The following SEC22C variants were observed in gnomAD, a reference collection of about 807,000 sequenced individuals.
The protein encoded by SEC22C is vesicle-trafficking protein SEC22c.
Under a neutral mutation model 34.7 loss-of-function variants are expected in SEC22C, and 29 were observed. The observed-to-expected ratio is 0.84, with a 90% CI of 0.62 to 1.14. The LOEUF is 1.14. Among genes scored for constraint, SEC22C ranks in the 50% most tolerant of loss-of-function variants. SEC22C has a pLI of 0.00. For synonymous variants in SEC22C, 117 were observed against 132.8 expected, an observed-to-expected ratio of 0.88 and a Z score of 0.82; for missense variants, 337 against 369.0, an observed-to-expected ratio of 0.91 and a Z score of 0.71.
At chr3:42,559,739 A>G (rs146914645) in intron 4 of SEC22C, among the ~76,000 whole-genome samples, 86 of 152,362 alleles carry the variant, frequency 5.6e-4, no homozygotes, top group Middle Eastern at 3.4e-3. Flanking sequence ...AATTCTTCGA[A>G]TATAAATATC....
intron 1 of SEC22C, among the ~76,000 whole-genome samples, chr3:42,570,009 A>G (rs1055146923): frequency 1.1e-4 from 16 of 152,194 alleles, no homozygotes; most frequent in Non-Finnish European, 1.8e-4. Context: ...AAGTCTTTCC[A>G]ATAGGATGTG....
intron 6 of SEC22C, among the ~76,000 whole-genome samples, chr3:42,555,067 C>T (rs566276688): frequency 2.0e-5 from 3 of 152,152 alleles, no homozygotes; most frequent in East Asian, 1.9e-4. Context: ...TTGCAGAGGT[C>T]GGGCGTGGTG....
chr3:42,591,447 C>T lies in SEC22C; in HGVS notation c.-28+9513G>A, dbSNP rs1389158902. ...TGACCTCGTGATCCGCCTAGATCGG[C>T]CTCCCAAAGGGCCGGGGTTACAGGC... On this transcript the variant is annotated intron_variant, in intron 1 of 6. Coordinates refer to the SEC22C transcript ENST00000417572. 2.9e-6 allele frequency: 3 copies of T among 1,038,732 alleles called. No individual in the cohort carries two copies. The Admixed American group carries it at 5.1e-5, about 18-fold the overall frequency. 64.3% of individuals were successfully genotyped at this position (1,038,732 alleles called of 1,614,324 possible). A position where few individuals can be genotyped will look rare whatever the true frequency, so the allele number is the denominator to read the frequency against.
intron 1 of SEC22C, chr3:42,590,880 T>G (rs1323658734): frequency 1.2e-6 from 2 of 1,609,572 alleles, no homozygotes; most frequent in Non-Finnish European, 1.7e-6. Flanking sequence ...GCGGTCGTGG[T>G]TCCGGAGGTT....
chr3:42,565,939 A>C (rs1703211423), intron 2 of SEC22C: 2 of 453,158 alleles, frequency 4.4e-6, no homozygotes, highest in South Asian at 3.2e-5. Flanking sequence ...TATTTAATTC[A>C]AAATTACAAA....
Position 42,550,981 on chromosome 3 carries a change from G to C in SEC22C, c.*2267C>G. The C allele has an allele frequency of 1.3e-6, 1 of 750,778 alleles. No individual in the cohort carries two copies. The highest frequency in any genetic ancestry group is 1.6e-6 in the Non-Finnish European group (1 of 618,692). 46.5% of individuals were successfully genotyped at this position (750,778 alleles called of 1,614,324 possible). A position where few individuals can be genotyped will look rare whatever the true frequency, so the allele number is the denominator to read the frequency against. On this transcript the variant is annotated 3_prime_UTR_variant, in exon 7 of 7. Transcript: ENST00000264454. ...CCTCCCGGGTTCAAGAGATTCTCCTGCCTCAGCCTCCTGAGTAGCTGGGGC... is the reference window on the plus strand; with the variant it reads ...CCTCCCGGGTTCAAGAGATTCTCCTCCCTCAGCCTCCTGAGTAGCTGGGGC...
chr3:42,561,529 C>T (rs1034006639), intron 3 of SEC22C, among the ~76,000 whole-genome samples: 2 of 152,114 alleles, frequency 1.3e-5, no homozygotes, highest in African/African-American at 4.8e-5. Context: ...ATGTGTGCCA[C>T]CACACCTGGC....
At position 42,551,540 on chromosome 3, in the gene SEC22C, G is replaced by T; in HGVS notation, c.*1708C>A. The T allele has an allele frequency of 2.2e-6, 1 of 451,238 alleles. No individual in the cohort carries two copies. The highest frequency in any genetic ancestry group is 2.9e-6 in the Non-Finnish European group (1 of 342,502). The allele number at this position is 451,238 out of a possible 1,614,324, so 28.0% of individuals were successfully genotyped here. ...TTTTTGTAGAGATGAATCTTACTAT[G>T]TTGTCCAGGCTGGTCTCAAACTACT... On this transcript the variant is annotated 3_prime_UTR_variant, in exon 7 of 7. Coordinates refer to ENST00000264454, the MANE Select transcript of SEC22C (RefSeq NM_032970.4).
At chr3:42,566,875 G>A in intron 2 of SEC22C, 1 of 344,988 alleles carries the variant, frequency 2.9e-6, no homozygotes, top group Middle Eastern at 3.9e-4. Context: ...ATAGTGGTGT[G>A]TAGACTCAGC....
upstream of SEC22C, chr3:42,582,132 G>T (rs371365400): frequency 6.6e-6 from 1 of 152,248 alleles, no homozygotes; most frequent in Admixed American, 6.5e-5. Context: ...CGACCCAAAC[G>T]GAGAGGGAGT....
chr3:42,575,376 A>G (rs1703897012), intron 1 of SEC22C, among the ~76,000 whole-genome samples: 1 of 152,262 alleles, frequency 6.6e-6, no homozygotes, highest in African/African-American at 2.4e-5. Flanking sequence ...ATTATATACT[A>G]TCTACATGAA....
chr3:42,559,873 C>T lies in SEC22C; in HGVS notation c.526+1244G>A, dbSNP rs192713020. 6.0e-3 allele frequency among the ~76,000 whole-genome samples: 907 copies of T among 152,028 alleles called. 10 individuals carry two copies. The highest frequency in any genetic ancestry group is 0.02 in the African/African-American group (844 of 41,496). Reference sequence around the variant, plus strand: ...TAATGACAAAGGCATGGAATATCAGCACACTGTGATCACGTTCATTAAGAC... The same window carrying T: ...TAATGACAAAGGCATGGAATATCAGTACACTGTGATCACGTTCATTAAGAC... On this transcript the variant is annotated intron_variant, in intron 4 of 6. Transcript: ENST00000264454.
At position 42,552,597 on chromosome 3, in the gene SEC22C, T is replaced by C. The variant is rs898712740; in HGVS notation, c.*651A>G. 17 of 982,686 alleles carry C rather than the reference T, an allele frequency of 1.7e-5. No homozygotes were observed. Among genetic ancestry groups the C allele is most frequent in the Non-Finnish European group, 2.1e-5 (17 of 827,438 alleles). The allele number at this position is 982,686 out of a possible 1,614,324, so 60.9% of individuals were successfully genotyped here. A position where few individuals can be genotyped will look rare whatever the true frequency, so the allele number is the denominator to read the frequency against. ...AGTCCCACCACTATAAAAGGTTACATATAAATTAAATAAACTCAGATTTCT... is the reference window on the plus strand; with the variant it reads ...AGTCCCACCACTATAAAAGGTTACACATAAATTAAATAAACTCAGATTTCT... On this transcript the variant is annotated 3_prime_UTR_variant, in exon 7 of 7. Transcript: ENST00000264454.
In SEC22C at chr3:42,594,422, G is replaced by C. The variant is rs750944864; in HGVS notation, c.-28+6538C>G. ...TTTTTGCCTGTTTTTTTGCCCATAG[G>C]TACCAGCATGTGTTACATAGAAATC... On this transcript the variant is annotated intron_variant, in intron 1 of 6. Transcript: ENST00000417572. 3.1e-6 allele frequency: 5 copies of C among 1,611,976 alleles called. No homozygotes were observed. The South Asian group carries it at 5.5e-5, about 18-fold the overall frequency.
Position 42,569,078 on chromosome 3 carries a change from G to A in SEC22C, c.-27-5C>T. The A allele has an allele frequency of 6.3e-7, 1 of 1,593,126 alleles. No homozygotes were observed. Among genetic ancestry groups the A allele is most frequent in the Non-Finnish European group, 8.6e-7 (1 of 1,164,850 alleles). On this transcript the variant is annotated splice_polypyrimidine_tract_variant and splice_region_variant and intron_variant, in intron 1 of 6. Coordinates refer to ENST00000264454, the MANE Select transcript of SEC22C (RefSeq NM_032970.4). ...CAAGAGAAGTCATGAGGACACCTGA[G>A]GAAAGCAAGGTCACCTTGTTACTGA...
chr3:42,593,374 G>A (rs942371316), intron 1 of SEC22C, among the ~76,000 whole-genome samples: 5 of 152,182 alleles, frequency 3.3e-5, no homozygotes, highest in Admixed American at 1.3e-4. Flanking sequence ...CCAAGATCAC[G>A]CCACTGCACT....
chr3:42,590,991 GCGGGCGGA>G, intron 1 of SEC22C: 2 of 957,854 alleles, frequency 2.1e-6, no homozygotes, highest in Non-Finnish European at 3.2e-6. Flanking sequence ...GGGCGGGCGG[GCGGGCGGA>G]GAGAAGTCGG....
rs1330546431 is a variant in SEC22C, at chr3:42,553,093, T to C, written c.*155A>G. ...GCTGGGTATCAAGCAACCTCATGACTTCCACTGCAACTGTTTAACATCCCC... is the reference window on the plus strand; with the variant it reads ...GCTGGGTATCAAGCAACCTCATGACCTCCACTGCAACTGTTTAACATCCCC... On this transcript the variant is annotated 3_prime_UTR_variant, in exon 7 of 7. Transcript: ENST00000264454. 18 of 1,443,718 alleles carry C rather than the reference T, an allele frequency of 1.2e-5. No homozygotes were observed. The highest frequency in any genetic ancestry group is 2.5e-5 in the East Asian group (1 of 40,226). 89.4% of individuals were successfully genotyped at this position (1,443,718 alleles called of 1,614,324 possible).
chr3:42,549,215 A>T lies in SEC22C; in HGVS notation c.*4033T>A. On this transcript the variant is annotated 3_prime_UTR_variant, in exon 7 of 7. Coordinates refer to ENST00000264454, the MANE Select transcript of SEC22C (RefSeq NM_032970.4). ...ACACGAAAACATTTGGAATGTGAGC[A>T]ATGTCTGAACAGGGGCTTGCCAGGC... 1 of 986,742 alleles carries T rather than the reference A, an allele frequency of 1.0e-6. No homozygotes were observed. Among genetic ancestry groups the T allele is most frequent in the Non-Finnish European group, 1.2e-6 (1 of 830,746 alleles). The allele number at this position is 986,742 out of a possible 1,614,324, so 61.1% of individuals were successfully genotyped here.
Sources: gnomAD v4.1 joint callset for allele counts (sites outside exome capture counted in the v4.1 genomes callset) on GRCh38, gnomAD v4.1.1 for gene constraint, MANE v1.5 for transcripts, NCBI Gene and HGNC (gene_info 2026-07-23, HGNC 2026-07-21) for gene names.